TRHDE: variants seen among roughly 807,000 people sequenced by gnomAD.
The protein encoded by TRHDE is thyrotropin releasing hormone degrading enzyme, also known as thyrotropin-releasing hormone-degrading ectoenzyme.
TRHDE carries 72 observed loss-of-function variants against 125.7 expected under a neutral mutation model. The observed-to-expected ratio is 0.57, with a 90% CI of 0.47 to 0.70. The LOEUF (loss-of-function observed/expected upper bound fraction) is 0.70, where lower values mean the gene tolerates loss of function less well. Ranked by LOEUF, TRHDE falls within the 30% of genes least tolerant of loss-of-function variation. The pLI is 0.00. For missense variants in TRHDE, 1,110 were observed against 1,327.1 expected (o/e 0.84, Z 2.54); for synonymous variants, 509 against 509.1 (o/e 1.00, Z 0.00).
intron 2 of TRHDE, chr12:72,137,633 T>C (rs1876014217): frequency 6.6e-6 from 1 of 152,176 alleles, no homozygotes; most frequent in African/African-American, 2.4e-5. Context: ...TCTTGAAATA[T>C]TAATTTTTGT....
At chr12:72,366,315 TC>T (rs1207350895) in intron 2 of TRHDE, among the ~76,000 whole-genome samples, 1 of 152,122 alleles carries the variant, frequency 6.6e-6, no homozygotes. Flanking sequence ...TTCCTGGAAG[TC>T]CCTGTAAGTA....
Position 72,543,411 on chromosome 12 carries a change from C to G in TRHDE, c.1788+1055C>G, listed in dbSNP as rs1266353879. On this transcript the variant is annotated intron_variant, in intron 7 of 18. Transcript: ENST00000261180. ...AGGGTTTGAAATTTACTTTAATCAG[C>G]TCTTTCCATTAGGGACACCTTCAGA... Among the ~76,000 whole-genome samples the G allele has an allele frequency of 2.6e-5, 4 of 151,564 alleles. No individual in the cohort carries two copies. In the East Asian group the frequency reaches 7.7e-4, roughly 29 times the overall value.
intron 1 of TRHDE, among the ~76,000 whole-genome samples, chr12:72,282,851 G>T (rs1879746007): frequency 6.6e-6 from 1 of 152,154 alleles, no homozygotes; most frequent in South Asian, 2.1e-4. Context: ...TCTTCCTACA[G>T]TGGACATCTG....
chr12:72,318,416 C>T (rs944921818), intron 2 of TRHDE, among the ~76,000 whole-genome samples: 8 of 152,038 alleles, frequency 5.3e-5, no homozygotes, highest in Admixed American at 2.6e-4. Flanking sequence ...AGGTGATGTG[C>T]GATATTTTTG....
In TRHDE at chr12:72,666,719, CA is replaced by C. The variant is rs1403463920; in HGVS notation, c.*3525del. 2.6e-5 allele frequency: 4 copies of C among 152,010 alleles called. No homozygotes were observed. Among genetic ancestry groups the C allele is most frequent in the Non-Finnish European group, 5.9e-5 (4 of 67,978 alleles). The allele number at this position is 152,010 out of a possible 1,614,324, so 9.4% of individuals were successfully genotyped here. A position where few individuals can be genotyped will look rare whatever the true frequency, so the allele number is the denominator to read the frequency against. On this transcript the variant is annotated 3_prime_UTR_variant, in exon 19 of 19. Coordinates refer to ENST00000261180, the MANE Select transcript of TRHDE (RefSeq NM_013381.3). ...AATACTAGACCAGCATCAAAATACACAGTTAAATATATTTGCAATAATTCCA... is the reference window on the plus strand; with the variant it reads ...AATACTAGACCAGCATCAAAATACACGTTAAATATATTTGCAATAATTCCA...
intron 2 of TRHDE, among the ~76,000 whole-genome samples, chr12:72,130,890 GA>G (rs1474380646): frequency 1.3e-5 from 2 of 152,082 alleles, no homozygotes; most frequent in Non-Finnish European, 2.9e-5. Flanking sequence ...AGGGAGACTT[GA>G]AACTTTATGT....
chr12:72,490,077 T>C (rs1041875754), intron 5 of TRHDE, among the ~76,000 whole-genome samples: 23 of 151,864 alleles, frequency 1.5e-4, no homozygotes, highest in Non-Finnish European at 2.8e-4. Context: ...AAAAAAAGTT[T>C]GCCAGCCATA....
chr12:72,302,804 C>T (rs1206944846), intron 2 of TRHDE, among the ~76,000 whole-genome samples: 1 of 152,150 alleles, frequency 6.6e-6, no homozygotes, highest in African/African-American at 2.4e-5. Flanking sequence ...GAAGGCTTTA[C>T]CTTTACCACC....
chr12:72,654,985 A>G (rs1874649986), intron 17 of TRHDE, among the ~76,000 whole-genome samples: 1 of 152,182 alleles, frequency 6.6e-6, no homozygotes, highest in Non-Finnish European at 1.5e-5. Context: ...AAGCCCCTTA[A>G]TATGTCCTCT....
At position 72,245,609 on chromosome 12, in the gene TRHDE, G is replaced by C. The variant is rs542910704; in HGVS notation, n.280-132386G>C. ...CAGGATATTGTTTTATTTACAAAAG[G>C]TTCACCTTTACTTATGCAGGTGTGT... On this transcript the variant is annotated intron_variant and non_coding_transcript_variant, in intron 2 of 4. Coordinates refer to the TRHDE transcript ENST00000548156. Among the ~76,000 whole-genome samples the C allele has an allele frequency of 4.0e-3, 602 of 151,864 alleles. 4 individuals carry two copies. The highest frequency in any genetic ancestry group is 5.9e-3 in the Non-Finnish European group (401 of 67,916).
chr12:72,385,131 A>G (rs910776116), intron 3 of TRHDE, among the ~76,000 whole-genome samples: 1 of 152,140 alleles, frequency 6.6e-6, no homozygotes, highest in African/African-American at 2.4e-5. Flanking sequence ...AAAGTAATAC[A>G]GCCTTTTAAA....
intron 2 of TRHDE, among the ~76,000 whole-genome samples, chr12:72,329,053 C>T (rs1270813088): frequency 6.6e-6 from 1 of 152,004 alleles, no homozygotes; most frequent in African/African-American, 2.4e-5. Flanking sequence ...TTATTCATTC[C>T]ATCACAAAAA....
rs1254940331 is a variant in TRHDE, at chr12:72,664,848, T to G, written c.*1653T>G. 6.6e-6 allele frequency: 1 copy of G among 152,092 alleles called. No homozygotes were observed. Among genetic ancestry groups the G allele is most frequent in the African/African-American group, 2.4e-5 (1 of 41,452 alleles). 9.4% of individuals were successfully genotyped at this position (152,092 alleles called of 1,614,324 possible). A position where few individuals can be genotyped will look rare whatever the true frequency, so the allele number is the denominator to read the frequency against. On this transcript the variant is annotated 3_prime_UTR_variant, in exon 19 of 19. Coordinates refer to ENST00000261180, the MANE Select transcript of TRHDE (RefSeq NM_013381.3). ...AAAAGAGGAGCTATTTCCGAATCTA[T>G]AGAATAAAGTACCACCTAAAACTGA...
intron 2 of TRHDE, among the ~76,000 whole-genome samples, chr12:72,322,418 T>C (rs1465746739): frequency 1.3e-5 from 2 of 152,080 alleles, no homozygotes; most frequent in South Asian, 2.1e-4. Flanking sequence ...ATAAAGAAAA[T>C]AGCGTGTTAG....
At chr12:72,267,296 A>G (rs1879090261) in intron 2 of TRHDE, among the ~76,000 whole-genome samples, 2 of 152,110 alleles carry the variant, frequency 1.3e-5, no homozygotes, top group African/African-American at 4.8e-5. Flanking sequence ...GTGAACGCTA[A>G]AAAGTTTTAA....
At chr12:72,537,880 T>C (rs751120891) in intron 6 of TRHDE, among the ~76,000 whole-genome samples, 1 of 152,100 alleles carries the variant, frequency 6.6e-6, no homozygotes, top group Non-Finnish European at 1.5e-5. Context: ...ATCTATTTTG[T>C]GCAATGTACT....
intron 2 of TRHDE, among the ~76,000 whole-genome samples, chr12:72,126,815 A>G (rs1042385989): frequency 1.3e-5 from 2 of 152,218 alleles, no homozygotes; most frequent in Admixed American, 1.3e-4. Flanking sequence ...CAAGTCCTGA[A>G]AAGCAATTGT....
chr12:72,089,929 A>G (rs1874752891), intron 1 of TRHDE, among the ~76,000 whole-genome samples: 1 of 152,194 alleles, frequency 6.6e-6, no homozygotes, highest in Admixed American at 6.5e-5. Context: ...AAAACAATGA[A>G]TAGATGATGG....
chr12:72,642,330 CA>C (rs1337500839), intron 15 of TRHDE, among the ~76,000 whole-genome samples: 1 of 152,040 alleles, frequency 6.6e-6, no homozygotes, highest in Non-Finnish European at 1.5e-5. Context: ...AGTAAGATAA[CA>C]AAGTTAAATA....
Sources: allele counts gnomAD v4.1 joint callset (sites outside exome capture counted in the v4.1 genomes callset), GRCh38; gene constraint gnomAD v4.1.1; transcripts MANE v1.5; gene names NCBI Gene and HGNC (gene_info 2026-07-23, HGNC 2026-07-21).